SLC44A5: variants seen among roughly 807,000 people sequenced by gnomAD.
SLC44A5 encodes choline transporter-like protein 5.
SLC44A5 carries 57 observed loss-of-function variants against 101.8 expected under a neutral mutation model. The observed-to-expected ratio is 0.56, with a 90% CI of 0.45 to 0.70. The LOEUF is 0.70. Among genes scored for constraint, SLC44A5 ranks in the 30% least tolerant of loss-of-function variants. The probability of loss-of-function intolerance (pLI) is 0.00; values close to 1 mark genes in which losing one functional copy is unlikely to be tolerated. For synonymous variants in SLC44A5, 281 were observed against 290.9 expected (o/e 0.97, Z 0.35); for missense variants, 737 against 853.1 (o/e 0.86, Z 1.70).
intron 1 of SLC44A5, among the ~76,000 whole-genome samples, chr1:75,601,681 T>C (rs1472229655): frequency 1.3e-5 from 2 of 152,124 alleles, no homozygotes; most frequent in African/African-American, 4.8e-5. Flanking sequence ...TATCTCAAGG[T>C]CTGACTGATT....
intron 6 of SLC44A5, 74 bp downstream of exon 6, chr1:75,274,884 G>T: frequency 8.6e-7 from 1 of 1,157,956 alleles, no homozygotes; most frequent in Non-Finnish European, 1.3e-6. Context: ...AGTCTGGTAG[G>T]ATTACTGTAA....
At chr1:75,689,298 G>T in the SLC44A5 span, among the ~76,000 whole-genome samples, 1 of 144,028 alleles carries the variant, frequency 6.9e-6, no homozygotes, top group Non-Finnish European at 1.5e-5. Flanking sequence ...TGGGAGAAAG[G>T]GGGTATCAGG....
At chr1:75,244,846 A>G (rs1648975056) in intron 7 of SLC44A5, among the ~76,000 whole-genome samples, 1 of 152,064 alleles carries the variant, frequency 6.6e-6, no homozygotes, top group Non-Finnish European at 1.5e-5. Flanking sequence ...AGCTGCAGCT[A>G]ACCCTTTCAA....
At chr1:75,403,845 G>A (rs1319193323) in intron 2 of SLC44A5, among the ~76,000 whole-genome samples, 1 of 152,116 alleles carries the variant, frequency 6.6e-6, no homozygotes, top group Non-Finnish European at 1.5e-5. Flanking sequence ...GACAGAGAAT[G>A]AGTTTGACAA....
At chr1:75,392,641 C>A (rs928965722) in intron 3 of SLC44A5, among the ~76,000 whole-genome samples, 3 of 152,118 alleles carry the variant, frequency 2.0e-5, no homozygotes, top group African/African-American at 4.8e-5. Context: ...ACCTAGCAAT[C>A]CCATTGCTTG....
chr1:75,413,849 A>C (rs1663439208), intron 2 of SLC44A5, among the ~76,000 whole-genome samples: 1 of 152,192 alleles, frequency 6.6e-6, no homozygotes, highest in African/African-American at 2.4e-5. Context: ...GCTAGGGATA[A>C]ATACAGTCCC....
chr1:75,594,634 TTCTTA>T (rs1300378194), intron 1 of SLC44A5, among the ~76,000 whole-genome samples: 2 of 152,022 alleles, frequency 1.3e-5, no homozygotes, highest in Non-Finnish European at 1.5e-5. Flanking sequence ...ATGCTATGCT[TTCTTA>T]TCTTTATAAA....
intron 1 of SLC44A5, among the ~76,000 whole-genome samples, chr1:75,603,950 C>T (rs1675168444): frequency 6.6e-6 from 1 of 151,818 alleles, no homozygotes; most frequent in Non-Finnish European, 1.5e-5. Flanking sequence ...AATATTTTCT[C>T]CCACTCTGTA....
At chr1:75,554,078 A>G (rs1200898104) in intron 1 of SLC44A5, among the ~76,000 whole-genome samples, 2 of 152,338 alleles carry the variant, frequency 1.3e-5, no homozygotes, top group African/African-American at 4.8e-5. Context: ...ATAAAAGTGT[A>G]TGTAAGGCAC....
chr1:75,613,684 GACC>G (rs2102192164), upstream of SLC44A5, among the ~76,000 whole-genome samples: 2 of 152,318 alleles, frequency 1.3e-5, no homozygotes, highest in East Asian at 3.9e-4. Context: ...AATTTATTGA[GACC>G]ACATGTCGTA....
chr1:75,471,227 C>A (rs1384324484), intron 2 of SLC44A5, among the ~76,000 whole-genome samples: 2 of 151,968 alleles, frequency 1.3e-5, no homozygotes, highest in Non-Finnish European at 2.9e-5. Flanking sequence ...TCTAAGGGCA[C>A]CTTTCTCATC....
chr1:75,611,550 A>G (rs1312725654), upstream of SLC44A5, among the ~76,000 whole-genome samples: 1 of 152,190 alleles, frequency 6.6e-6, no homozygotes, highest in Non-Finnish European at 1.5e-5. Flanking sequence ...TATCATTAAT[A>G]TGTTCATGCT....
intron 4 of SLC44A5, among the ~76,000 whole-genome samples, chr1:75,309,453 T>C (rs1204389470): frequency 6.6e-6 from 1 of 152,198 alleles, no homozygotes; most frequent in African/African-American, 2.4e-5. Context: ...AAATAATTTT[T>C]AAAAATAATA....
chr1:75,480,622 G>C (rs1294384530), intron 2 of SLC44A5, among the ~76,000 whole-genome samples: 1 of 151,958 alleles, frequency 6.6e-6, no homozygotes, highest in Admixed American at 6.6e-5. Context: ...GACAAACGGA[G>C]AGCCAAATCA....
intron 1 of SLC44A5, among the ~76,000 whole-genome samples, chr1:75,577,381 T>C (rs1213778327): frequency 6.6e-6 from 1 of 152,210 alleles, no homozygotes; most frequent in African/African-American, 2.4e-5. Flanking sequence ...CTCTGGTTGC[T>C]CTCCTCCTGG....
chr1:75,706,832 G>T, the SLC44A5 span, among the ~76,000 whole-genome samples: 1 of 151,900 alleles, frequency 6.6e-6, no homozygotes, highest in Non-Finnish European at 1.5e-5. Flanking sequence ...CTTCCAAACT[G>T]CTACTGTAGT....
intron 23 of SLC44A5, chr1:75,205,136 A>G (rs1030476961): frequency 1.3e-5 from 2 of 152,214 alleles, no homozygotes; most frequent in Non-Finnish European, 2.9e-5. Flanking sequence ...TAGTCATTAT[A>G]TATTAAAAAT....
At chr1:75,495,026 T>A (rs1248356428) in intron 2 of SLC44A5, among the ~76,000 whole-genome samples, 1 of 152,048 alleles carries the variant, frequency 6.6e-6, no homozygotes, top group East Asian at 1.9e-4. Context: ...CTCTGAAGAC[T>A]GGGAGAGATG....
chr1:75,576,754 G>T (rs567069876), intron 1 of SLC44A5, among the ~76,000 whole-genome samples: 55 of 152,302 alleles, frequency 3.6e-4, no homozygotes, highest in African/African-American at 1.3e-3. Flanking sequence ...CTTAGACGCA[G>T]ATCTCATGGT....
Sources: allele counts gnomAD v4.1 joint callset (sites outside exome capture counted in the v4.1 genomes callset), GRCh38; gene constraint gnomAD v4.1.1; transcripts MANE v1.5; gene names NCBI Gene and HGNC (gene_info 2026-07-23, HGNC 2026-07-21).